Variants in PLCB3 observed in about 807,000 individuals in gnomAD.
PLCB3 encodes phospholipase C beta 3, also known as 1-phosphatidylinositol 4,5-bisphosphate phosphodiesterase beta-3.
In PLCB3, 54 loss-of-function variants were observed where a neutral mutation model predicts 152.1. The ratio of observed to expected loss-of-function variants is 0.36; its 90% CI spans 0.29 to 0.45. The LOEUF (loss-of-function observed/expected upper bound fraction) is 0.45, where lower values mean the gene tolerates loss of function less well. Ranked by LOEUF, PLCB3 falls within the 20% of genes least tolerant of loss-of-function variation. PLCB3 has a pLI of 1.00. For missense variants in PLCB3, 1,248 were observed against 1,687.5 expected (o/e 0.74, Z 4.56); for synonymous variants, 717 against 698.7 (o/e 1.03, Z -0.41).
rs1170091388 is a variant in PLCB3 at position 64,265,329 on chromosome 11, GGAT to G, written c.2865_2867del (p.Asp955del). The G allele has an allele frequency of 1.2e-6, 2 of 1,600,872 alleles. No homozygotes were observed. On this transcript the variant is annotated inframe_deletion, in exon 25 of 31. Coordinates refer to ENST00000279230, the MANE Select transcript of PLCB3 (RefSeq NM_000932.5). ...TCCCAGAGGTGGCCCCCACCCCGCT[GGAT>G]GAGCTCCGAGGTCACAAGGCTCTGG...
chr11:64,265,970 G>C lies in PLCB3; in HGVS notation c.3120G>C (p.Gln1040His), dbSNP rs1380876837. 1 of 1,614,066 alleles carries C rather than the reference G, an allele frequency of 6.2e-7. No individual in the cohort carries two copies. The highest frequency in any genetic ancestry group is 1.1e-5 in the South Asian group (1 of 91,086). Residue 1040 changes from glutamine to histidine, a missense_variant, in exon 26 of 31, where the codon CAG becomes CAC. Coordinates refer to ENST00000279230, the MANE Select transcript of PLCB3 (RefSeq NM_000932.5). ...AGGAGTTCCAGAACAGACAGGTGCAGAGCCTGCTGGAGCTGCGGGAGGCCC... is the reference window on the plus strand; with the variant it reads ...AGGAGTTCCAGAACAGACAGGTGCACAGCCTGCTGGAGCTGCGGGAGGCCC... Reference protein sequence around the residue: ...RYQEFQNRQVQSLLELREAQV... With the variant: ...RYQEFQNRQVHSLLELREAQV...
Position 64,259,145 on chromosome 11 carries a change from G to T in PLCB3, c.1426G>T (p.Gly476Cys), listed in dbSNP as rs1230584686. ...KNKKRHRPSAGGPDSAGRKRP... is the reference protein window; with the variant it reads ...KNKKRHRPSACGPDSAGRKRP... ...CAAGAAGCGGCACCGACCCAGCGCA[G>T]GTGGCCCAGACAGCGCCGGGCGCAA... is the stretch of plus-strand genomic sequence containing the variant. Residue 476 changes from glycine to cysteine, a missense_variant, in exon 13 of 31, where the codon GGT becomes TGT. Gly to Cys is a radical substitution (Grantham distance 159, BLOSUM62 -3). Transcript: ENST00000279230. 4 of 1,610,750 alleles carry T rather than the reference G, an allele frequency of 2.5e-6. No homozygotes were observed. The African/African-American group carries it at 4.0e-5, about 16-fold the overall frequency.
rs5792316 is a variant in PLCB3 at position 64,256,997 on chromosome 11, C to CTTTTTTTTTTTTTTTTTTTT, written c.1012+238_1012+257dup. On this transcript the variant is annotated intron_variant, in intron 10 of 30. Coordinates refer to ENST00000279230, the MANE Select transcript of PLCB3 (RefSeq NM_000932.5). Reference sequence around the variant, plus strand: ...CTGCAGCAGGAGAGACTTCAGGGTCCTTTTTTTTTTTTTTTTTTTTTTTTG... The same window carrying CTTTTTTTTTTTTTTTTTTTT: ...CTGCAGCAGGAGAGACTTCAGGGTCCTTTTTTTTTTTTTTTTTTTTTTTTTTTTTTTTTTTTTTTTTTTTG... Among the ~76,000 whole-genome samples the CTTTTTTTTTTTTTTTTTTTT allele has an allele frequency of 3.3e-3, 202 of 61,576 alleles. 5 individuals carry two copies. Among genetic ancestry groups the CTTTTTTTTTTTTTTTTTTTT allele is most frequent in the Middle Eastern group, 0.012 (1 of 84 alleles). 40.4% of individuals were successfully genotyped at this position (61,576 alleles called of 152,430 possible).
At position 64,262,564 on chromosome 11, in the gene PLCB3, G is replaced by A. The variant is rs751727296; in HGVS notation, c.2193+3G>A. On this transcript the variant is annotated splice_donor_region_variant and intron_variant, in intron 18 of 30. Coordinates refer to ENST00000279230, the MANE Select transcript of PLCB3 (RefSeq NM_000932.5). ...TGGCCAATGCCTTGCGGGTCAAGGT[G>A]GGGCTTGCGGGCGGCTCAGGCCAGG... 1 of 1,613,212 alleles carries A rather than the reference G, an allele frequency of 6.2e-7. No homozygotes were observed. Among genetic ancestry groups the A allele is most frequent in the Non-Finnish European group, 8.5e-7 (1 of 1,179,438 alleles).
Position 64,261,618 on chromosome 11 carries a change from G to A in PLCB3, c.1866G>A (p.Glu622=). 6.2e-7 allele frequency: 1 copy of A among 1,614,188 alleles called. No individual in the cohort carries two copies. The highest frequency in any genetic ancestry group is 8.5e-7 in the Non-Finnish European group (1 of 1,180,030). ...NKCFEMSSFV[E]TKAMEQLTKS... is the part of the protein sequence containing the mutation. ...GCTTCGAGATGTCGTCCTTTGTGGA[G>A]ACCAAGGCCATGGAGCAACTGACCA... is the stretch of plus-strand genomic sequence containing the variant. The change falls in exon 16 of 31, where the codon GAG becomes GAA. Residue 622 remains glutamate (E), a synonymous_variant. Transcript: ENST00000279230.
chr11:64,252,748 C>T (rs552271974), intron 1 of PLCB3, among the ~76,000 whole-genome samples: 1 of 151,982 alleles, frequency 6.6e-6, no homozygotes, highest in African/African-American at 2.4e-5. Flanking sequence ...GGAAAAGTTT[C>T]TTCTTTTCAT....
In PLCB3 at chr11:64,253,255, C is replaced by T. The variant is rs1035056591; in HGVS notation, c.100-1160C>T. Among the ~76,000 whole-genome samples, 8 of 152,318 alleles carry T rather than the reference C, an allele frequency of 5.3e-5. No individual in the cohort carries two copies. In the South Asian group the frequency reaches 1.0e-3, roughly 20 times the overall value. ...GCTCCCTGCTTCCCAGGTCACAGGA[C>T]GCTGCAACCACACTGCCTGCAAGCA... On this transcript the variant is annotated intron_variant, in intron 1 of 30. Coordinates refer to ENST00000279230, the MANE Select transcript of PLCB3 (RefSeq NM_000932.5).
In PLCB3 at chr11:64,258,785, T is replaced by C; in HGVS notation, c.1253+72T>C. 1.9e-6 allele frequency: 3 copies of C among 1,603,672 alleles called. No individual in the cohort carries two copies. The highest frequency in any genetic ancestry group is 2.6e-6 in the Non-Finnish European group (3 of 1,171,542). The stretch of plus-strand genomic sequence containing the variant: ...TCCAGCTTCAGTGCTGTTGGACTGC[T>C]CAGGGACCTCCAACCCTGCGAACGG... On this transcript the variant is annotated intron_variant, in intron 11 of 30. Coordinates refer to ENST00000279230, the MANE Select transcript of PLCB3 (RefSeq NM_000932.5). The surrounding 1 kb of genome is among the most constrained non-coding windows in gnomAD (Gnocchi z 7.2).
In PLCB3 at chr11:64,258,997, G is replaced by C; in HGVS notation, c.1338+28G>C. On this transcript the variant is annotated intron_variant, in intron 12 of 30. Coordinates refer to ENST00000279230, the MANE Select transcript of PLCB3 (RefSeq NM_000932.5). The surrounding 1 kb of genome is among the most constrained non-coding windows in gnomAD (Gnocchi z 7.2). ...ACGGGAGCTCGGAGCGAGGGGGGTG[G>C]CATGGGGGCCAGGGTGCTGCGGACC... 1 of 1,613,204 alleles carries C rather than the reference G, an allele frequency of 6.2e-7. No individual in the cohort carries two copies.
rs552909727 is a variant in PLCB3, at chr11:64,254,346, G to A, written c.100-69G>A. On this transcript the variant is annotated intron_variant, in intron 1 of 30. Transcript: ENST00000279230. ...AGGAACTCTGGGGTGCATGATGGGA[G>A]GGCCCCAGGGGCCAGGCCTGCACCA... 4.3e-3 allele frequency: 5,474 copies of A among 1,276,708 alleles called. 30 individuals carry two copies. The highest frequency in any genetic ancestry group is 5.2e-3 in the Non-Finnish European group (4,569 of 875,106). 79.1% of individuals were successfully genotyped at this position (1,276,708 alleles called of 1,614,324 possible). A position where few individuals can be genotyped will look rare whatever the true frequency, so the allele number is the denominator to read the frequency against.
At chr11:64,269,096 C>T (rs1332179372), downstream of PLCB3, 4 of 152,386 alleles carry the variant, frequency 2.6e-5, no homozygotes, top group Non-Finnish European at 5.9e-5. Context: ...GTTCCCAGGT[C>T]CTCAAATACC....
chr11:64,252,823 G>T (rs2031300268), intron 1 of PLCB3, among the ~76,000 whole-genome samples: 1 of 152,262 alleles, frequency 6.6e-6, no homozygotes, highest in Admixed American at 6.5e-5. Flanking sequence ...TGGGGTGGGG[G>T]GTGCTGACGG....
In PLCB3 at chr11:64,259,041, C is replaced by T. The variant is rs1037950940; in HGVS notation, c.1339-17C>T. On this transcript the variant is annotated splice_polypyrimidine_tract_variant and intron_variant, in intron 12 of 30. Coordinates refer to ENST00000279230, the MANE Select transcript of PLCB3 (RefSeq NM_000932.5). ...GCGGACCCGGTCCAGGGCCCTGACT[C>T]GTCCATGCCTGCCCAGCTGGCCCCA... 4 of 1,611,318 alleles carry T rather than the reference C, an allele frequency of 2.5e-6. No individual in the cohort carries two copies. Among genetic ancestry groups the T allele is most frequent in the Non-Finnish European group, 8.5e-7 (1 of 1,178,454 alleles).
chr11:64,260,215 A>G lies in PLCB3; in HGVS notation c.1712A>G (p.Lys571Arg), dbSNP rs898455800. 2 of 1,569,402 alleles carry G rather than the reference A, an allele frequency of 1.3e-6. No individual in the cohort carries two copies. The highest frequency in any genetic ancestry group is 1.2e-5 in the South Asian group (1 of 86,030). Residue 571 changes from lysine to arginine, a missense_variant, in exon 14 of 31, where the codon AAA (lysine) becomes AGA (arginine). Coordinates refer to ENST00000279230, the MANE Select transcript of PLCB3 (RefSeq NM_000932.5). Reference sequence around the variant, plus strand: ...GAAGAGGAGGAACAGACAGACCCCAAAAAGCCAACTACAGATGAGGTCAGG... The same window carrying G: ...GAAGAGGAGGAACAGACAGACCCCAGAAAGCCAACTACAGATGAGGTCAGG... Reference protein sequence around the residue: ...DEEEEEQTDPKKPTTDEGTAS... With the variant: ...DEEEEEQTDPRKPTTDEGTAS...
chr11:64,261,996 G>A lies in PLCB3; in HGVS notation c.1958G>A (p.Arg653His), dbSNP rs777008773. 1.9e-6 allele frequency: 3 copies of A among 1,614,166 alleles called. No homozygotes were observed. The highest frequency in any genetic ancestry group is 1.7e-5 in the Admixed American group (1 of 60,018). ...AGCCGCATCTACCCCAAGGGCACCC[G>A]CGTGGACTCCTCCAACTACATGCCC... ...QLSRIYPKGT[R>H]VDSSNYMPQL... The change falls in exon 17 of 31, where the codon CGC becomes CAC. Residue 653 changes from arginine (R) to histidine (H), a missense_variant. This residue lies in a region of PLCB3 where 244 missense variants were observed against 424.4 expected (regional missense o/e 0.57). Coordinates refer to ENST00000279230, the MANE Select transcript of PLCB3 (RefSeq NM_000932.5).
intron 13 of PLCB3, among the ~76,000 whole-genome samples, chr11:64,259,657 C>T (rs2031739683): frequency 6.6e-6 from 1 of 152,230 alleles, no homozygotes; most frequent in South Asian, 2.1e-4. Context: ...GACTGTTCAC[C>T]TCACTATGCC....
At position 64,254,937 on chromosome 11, in the gene PLCB3, G is replaced by T; in HGVS notation, c.286G>T (p.Asp96Tyr). ...GGAAGTTCTGGGCTTTGGGGGTCCC[G>T]ATGCCCGGCTGGAGGAGAAGCTGAT... Reference protein sequence around the residue: ...IREVLGFGGPDARLEEKLMTV... With the variant: ...IREVLGFGGPYARLEEKLMTV... The change falls in exon 4 of 31, where the codon GAT (aspartate) becomes TAT (tyrosine). Residue 96 changes from aspartate to tyrosine, a missense_variant. Physicochemically the swap from Asp to Tyr is radical, Grantham distance 160 (BLOSUM62 -3). Around this residue, in one of 6 missense-constraint regions of PLCB3, gnomAD observed 299 missense variants for 434.7 expected, o/e 0.69. Transcript: ENST00000279230. The T allele has an allele frequency of 6.2e-7, 1 of 1,603,092 alleles. No individual in the cohort carries two copies. Among genetic ancestry groups the T allele is most frequent in the South Asian group, 1.1e-5 (1 of 89,786 alleles).
rs756651006 is a variant in PLCB3 at position 64,255,724 on chromosome 11, G to A, written c.601G>A (p.Glu201Lys). 1.2e-6 allele frequency: 2 copies of A among 1,613,796 alleles called. No individual in the cohort carries two copies. The highest frequency in any genetic ancestry group is 1.7e-6 in the Non-Finnish European group (2 of 1,179,788). The change falls in exon 8 of 31, where the codon GAG (glutamate) becomes AAG (lysine). Residue 201 changes from glutamate (E) to lysine (K), a missense_variant. Coordinates refer to ENST00000279230, the MANE Select transcript of PLCB3 (RefSeq NM_000932.5). The surrounding 1 kb of genome is among the most constrained non-coding windows in gnomAD (Gnocchi z 6.8). ...ESCGLKFNRSESIRPDEFSLE... is the reference protein window; with the variant it reads ...ESCGLKFNRSKSIRPDEFSLE... ...CCCCACACTCCTCGACCTCCAGAGTGAGTCCATCCGGCCTGATGAGTTTTC... is the reference window on the plus strand; with the variant it reads ...CCCCACACTCCTCGACCTCCAGAGTAAGTCCATCCGGCCTGATGAGTTTTC...
At position 64,262,450 on chromosome 11, in the gene PLCB3, G is replaced by A; in HGVS notation, c.2082G>A (p.Gly694=). 6.2e-7 allele frequency: 1 copy of A among 1,613,872 alleles called. No homozygotes were observed. The highest frequency in any genetic ancestry group is 8.5e-7 in the Non-Finnish European group (1 of 1,179,986). ...QLNAGVFEYN[G]RSGYLLKPEF... Reference sequence around the variant, plus strand: ...ACGCGGGCGTTTTTGAGTACAACGGGCGCAGCGGGTACCTGCTCAAGCCGG... The same window carrying A: ...ACGCGGGCGTTTTTGAGTACAACGGACGCAGCGGGTACCTGCTCAAGCCGG... The change falls in exon 18 of 31, where the codon GGG becomes GGA. Residue 694 remains glycine (G), a synonymous_variant. Transcript: ENST00000279230.
Sources: gnomAD v4.1 joint callset for allele counts (sites outside exome capture counted in the v4.1 genomes callset) on GRCh38, gnomAD v4.1.1 for gene constraint, gnomAD v4.1.1 regional missense constraint, Gnocchi (gnomAD v3.1) non-coding constraint, MANE v1.5 for transcripts, NCBI Gene and HGNC (gene_info 2026-07-23, HGNC 2026-07-21) for gene names.